Variants in GEMIN7 observed in about 807,000 individuals in gnomAD.
GEMIN7 encodes the protein gem nuclear organelle associated protein 7.
A neutral mutation model predicts 7.8 loss-of-function variants in GEMIN7; 7 were observed. That is an observed-to-expected ratio of 0.90 (90% CI 0.51 to 1.69). The LOEUF is 1.69. Ranked by LOEUF, GEMIN7 falls within the 40% of genes most tolerant of loss-of-function variation. GEMIN7 has a pLI of 0.00. For missense variants in GEMIN7, 159 were observed against 176.2 expected (o/e 0.90, Z 0.55); for synonymous variants, 68 against 72.4 (o/e 0.94, Z 0.31).
chr19:45,082,547 C>T (rs1054949708), intron 2 of GEMIN7, among the ~76,000 whole-genome samples: 1 of 152,138 alleles, frequency 6.6e-6, no homozygotes, highest in African/African-American at 2.4e-5. Context: ...TTTCCAAGAC[C>T]GCCCAATGTG....
chr19:45,079,756 G>A (rs924194039), intron 1 of GEMIN7, among the ~76,000 whole-genome samples, 151 bp from the exon 2 acceptor site: 3 of 152,236 alleles, frequency 2.0e-5, no homozygotes, highest in African/African-American at 7.2e-5. Context: ...CCGGCCCCAG[G>A]GGAGAAGGGG....
intron 1 of GEMIN7, 49 bp from the exon 2 acceptor site, chr19:45,079,854 CTGTA>C (rs1967440216): frequency 6.6e-6 from 1 of 152,250 alleles, no homozygotes. Context: ...CCGATGATGT[CTGTA>C]TGTGTGTGTG....
chr19:45,086,155 C>T (rs1163708519), intron 2 of GEMIN7, among the ~76,000 whole-genome samples: 1 of 151,362 alleles, frequency 6.6e-6, no homozygotes, highest in East Asian at 2.0e-4. Context: ...GCGTGAGCCA[C>T]CACGCCCGGC....
At chr19:45,082,536 G>A (rs904879966) in intron 2 of GEMIN7, among the ~76,000 whole-genome samples, 2 of 152,162 alleles carry the variant, frequency 1.3e-5, no homozygotes, top group African/African-American at 2.4e-5. Flanking sequence ...TCCTAGACGT[G>A]TTTCCAAGAC....
chr19:45,087,283 T>C (rs1039448862), intron 2 of GEMIN7, among the ~76,000 whole-genome samples: 1 of 152,224 alleles, frequency 6.6e-6, no homozygotes, highest in Non-Finnish European at 1.5e-5. Flanking sequence ...TAGCTGGGAT[T>C]ACAGGCACGC....
upstream of GEMIN7, chr19:45,076,251 C>A (rs372919951): frequency 1.3e-5 from 19 of 1,504,454 alleles, no homozygotes; most frequent in African/African-American, 2.6e-4. The surrounding 1 kb of genome is among the most constrained non-coding windows in gnomAD (Gnocchi z 4.9). Flanking sequence ...CCTGTTGGGG[C>A]TGCGCGTCTG....
At chr19:45,085,969 G>A (rs1238326963) in intron 2 of GEMIN7, among the ~76,000 whole-genome samples, 8 of 140,262 alleles carry the variant, frequency 5.7e-5, no homozygotes, top group Middle Eastern at 4.0e-3. Flanking sequence ...CCGGGTTCAC[G>A]CCATTCTCCT....
intron 2 of GEMIN7, among the ~76,000 whole-genome samples, chr19:45,084,575 G>T (rs1446883090): frequency 6.6e-6 from 1 of 150,946 alleles, no homozygotes; most frequent in Non-Finnish European, 1.5e-5. Flanking sequence ...GCTAATTTTT[G>T]GGGCGTTTGT....
chr19:45,090,270 A>C lies in GEMIN7; in HGVS notation c.156A>C (p.Glu52Asp). Residue 52 changes from glutamate to aspartate, a missense_variant, in exon 3 of 3, where the codon GAA becomes GAC. Coordinates refer to ENST00000270257, the MANE Select transcript of GEMIN7 (RefSeq NM_024707.3). ...GTCCCATAGCTCAAGAATCCCTGGA[A>C]TCCCAGGAGCAGCGGGCACGAGCCG... is the stretch of plus-strand genomic sequence containing the variant. ...QECPIAQESL[E>D]SQEQRARAAL... is the part of the protein sequence containing the mutation. The C allele has an allele frequency of 6.2e-7, 1 of 1,614,210 alleles. No homozygotes were observed. The highest frequency in any genetic ancestry group is 8.5e-7 in the Non-Finnish European group (1 of 1,180,050).
rs1186395714 is a variant in GEMIN7 at position 45,088,089 on chromosome 19, G to T, written c.-8-2018G>T. Among the ~76,000 whole-genome samples, 8 of 151,584 alleles carry T rather than the reference G, an allele frequency of 5.3e-5. No homozygotes were observed. The East Asian group carries it at 1.6e-3, about 30-fold the overall frequency. ...GCCTCCTGAGTAGCTGGGATTACAG[G>T]TGCCCGCCACGATGCTTGGCTAATT... On this transcript the variant is annotated intron_variant, in intron 2 of 2. Coordinates refer to ENST00000270257, the MANE Select transcript of GEMIN7 (RefSeq NM_024707.3).
upstream of GEMIN7, among the ~76,000 whole-genome samples, chr19:45,078,097 CTT>C (rs57149861): frequency 0.016 from 1,548 of 96,612 alleles, 25 homozygotes; most frequent in African/African-American, 0.06. Context: ...TTATTTTACT[CTT>C]TTTTTTTTTT....
At chr19:45,079,753 C>CAGGGGAGAAGGGG (rs1444803412) in intron 1 of GEMIN7, among the ~76,000 whole-genome samples, 154 bp from the exon 2 acceptor site, 1 of 152,090 alleles carries the variant, frequency 6.6e-6, no homozygotes, top group African/African-American at 2.4e-5. Context: ...TGACCGGCCC[C>CAGGGGAGAAGGGG]AGGGGAGAAG....
upstream of GEMIN7, chr19:45,076,170 G>A (rs1182339718): frequency 1.3e-6 from 2 of 1,519,074 alleles, no homozygotes; most frequent in Non-Finnish European, 1.8e-6. The surrounding 1 kb of genome is among the most constrained non-coding windows in gnomAD (Gnocchi z 4.9). Context: ...GGCCAGGGGA[G>A]TGGTGGGGTT....
intron 2 of GEMIN7, among the ~76,000 whole-genome samples, chr19:45,081,413 G>A (rs1967499209): frequency 1.3e-5 from 2 of 150,326 alleles, no homozygotes; most frequent in African/African-American, 4.9e-5. Flanking sequence ...TTGAGATCAT[G>A]CCACTGTACT....
intron 2 of GEMIN7, among the ~76,000 whole-genome samples, chr19:45,084,078 G>T (rs181995899): frequency 6.6e-6 from 1 of 151,854 alleles, no homozygotes; most frequent in Non-Finnish European, 1.5e-5. Flanking sequence ...GGGCGTGGTC[G>T]CGGGCACCTG....
At chr19:45,076,126 C>T (rs772010267), upstream of GEMIN7, 1 of 1,562,910 alleles carries the variant, frequency 6.4e-7, no homozygotes, top group South Asian at 1.2e-5. The surrounding 1 kb of genome is among the most constrained non-coding windows in gnomAD (Gnocchi z 4.9). Flanking sequence ...GTTCCGCGGG[C>T]CGAGGGCGAG....
upstream of GEMIN7, chr19:45,075,667 C>A (rs747547317): frequency 1.2e-6 from 2 of 1,602,256 alleles, no homozygotes; most frequent in Admixed American, 3.4e-5. Flanking sequence ...CAGCAGGAAG[C>A]CCAGCCCTCG....
In GEMIN7 at chr19:45,090,766, C is replaced by G; in HGVS notation, c.*256C>G. The G allele has an allele frequency of 4.4e-6, 2 of 455,526 alleles. No homozygotes were observed. The highest frequency in any genetic ancestry group is 6.8e-5 in the South Asian group (2 of 29,596). 28.2% of individuals were successfully genotyped at this position (455,526 alleles called of 1,614,324 possible). ...TGAACCCTACAGAAATATGGGCCTG[C>G]TGCCATTTCCTGAAGACCGGGGCAT... On this transcript the variant is annotated 3_prime_UTR_variant, in exon 3 of 3. Coordinates refer to ENST00000270257, the MANE Select transcript of GEMIN7 (RefSeq NM_024707.3).
chr19:45,075,918 GTGC>G, upstream of GEMIN7: 2 of 1,605,190 alleles, frequency 1.2e-6, no homozygotes, highest in African/African-American at 2.7e-5. Flanking sequence ...GGGGCTGAGG[GTGC>G]TGAAGGAGAG....
Sources: gnomAD v4.1 joint callset for allele counts (sites outside exome capture counted in the v4.1 genomes callset) on GRCh38, gnomAD v4.1.1 for gene constraint, Gnocchi (gnomAD v3.1) non-coding constraint, MANE v1.5 for transcripts, NCBI Gene and HGNC (gene_info 2026-07-23, HGNC 2026-07-21) for gene names.